SHB: variants seen among roughly 807,000 people sequenced by gnomAD.
SHB encodes the protein SH2 domain containing adaptor protein B.
In SHB, 20 loss-of-function variants were observed where a neutral mutation model predicts 52.3. The observed-to-expected ratio is 0.38, with a 90% confidence interval of 0.27 to 0.56. The LOEUF (loss-of-function observed/expected upper bound fraction) is 0.56, where lower values mean the gene tolerates loss of function less well. Among genes scored for constraint, SHB ranks in the 20% least tolerant of loss-of-function variants. The pLI, the probability that SHB is intolerant of heterozygous loss-of-function variation, is 0.71. For missense variants in SHB, 825 were observed against 723.3 expected (o/e 1.14, Z -1.61); for synonymous variants, 397 against 316.5 (o/e 1.25, Z -2.70).
intron 5 of SHB, among the ~76,000 whole-genome samples, chr9:37,925,433 A>G (rs1832237254): frequency 6.6e-6 from 1 of 152,206 alleles, no homozygotes; most frequent in East Asian, 1.9e-4. Flanking sequence ...CGCTTTTCAA[A>G]TCAGAAAGTC....
chr9:38,008,077 C>T (rs1821093137), intron 2 of SHB, among the ~76,000 whole-genome samples: 1 of 152,202 alleles, frequency 6.6e-6, no homozygotes, highest in African/African-American at 2.4e-5. Context: ...GGCCCCTGTC[C>T]ACCTTCCCCA....
Position 38,069,140 on chromosome 9 carries a change from A to G in SHB, c.-495T>C, listed in dbSNP as rs897342936. The stretch of plus-strand genomic sequence containing the variant: ...CGCAGCGGAGGAGAATGCGGCCGGG[A>G]GAGACAGCGAGCGACGGAGGAAGGC... On this transcript the variant is annotated 5_prime_UTR_variant, in exon 1 of 6. Transcript: ENST00000377707. The G allele has an allele frequency of 2.8e-4, 42 of 151,408 alleles. No individual in the cohort carries two copies. Among genetic ancestry groups the G allele is most frequent in the African/African-American group, 1.0e-3 (42 of 41,226 alleles). The allele number at this position is 151,408 out of a possible 1,614,324, so 9.4% of individuals were successfully genotyped here.
intron 2 of SHB, among the ~76,000 whole-genome samples, chr9:37,977,445 C>T (rs1049154015): frequency 1.3e-5 from 2 of 152,126 alleles, no homozygotes; most frequent in African/African-American, 4.8e-5. Flanking sequence ...TCTCAGGGCA[C>T]CTAATATCAC....
chr9:37,934,444 G>A (rs1832346163), intron 5 of SHB, among the ~76,000 whole-genome samples: 1 of 152,082 alleles, frequency 6.6e-6, no homozygotes, highest in Admixed American at 6.6e-5. Context: ...GATTACAGGT[G>A]TGAGCCACCA....
chr9:38,009,827 G>T (rs1028623978), intron 2 of SHB, among the ~76,000 whole-genome samples: 5 of 152,218 alleles, frequency 3.3e-5, no homozygotes, highest in African/African-American at 1.2e-4. Context: ...TGTGTGAAAT[G>T]ACTTTAATTT....
chr9:37,975,564 C>A (rs1421568152), intron 2 of SHB, among the ~76,000 whole-genome samples: 1 of 152,180 alleles, frequency 6.6e-6, no homozygotes. Context: ...TAGACGAGGT[C>A]CCAGACAGGA....
chr9:38,004,968 A>C (rs927830421), intron 2 of SHB, among the ~76,000 whole-genome samples: 2 of 152,240 alleles, frequency 1.3e-5, no homozygotes, highest in Non-Finnish European at 2.9e-5. Flanking sequence ...TCATTCCACC[A>C]AAACCAGCAA....
chr9:37,917,846 C>T lies in SHB; in HGVS notation c.*1975G>A, dbSNP rs957459444. Reference sequence around the variant, plus strand: ...CGTGGTCTCTATGAGGGCTGGGCCACGTGGACGTGCCAGACAAGGCCTGGG... The same window carrying T: ...CGTGGTCTCTATGAGGGCTGGGCCATGTGGACGTGCCAGACAAGGCCTGGG... On this transcript the variant is annotated 3_prime_UTR_variant, in exon 6 of 6. Transcript: ENST00000377707. 1.3e-5 allele frequency among the ~76,000 whole-genome samples: 2 copies of T among 152,332 alleles called. No homozygotes were observed. The highest frequency in any genetic ancestry group is 3.4e-3 in the Middle Eastern group (1 of 294).
At position 37,974,847 on chromosome 9, in the gene SHB, A is replaced by G. The variant is rs1402437126; in HGVS notation, c.839-10T>C. The G allele has an allele frequency of 1.2e-6, 2 of 1,609,602 alleles. No individual in the cohort carries two copies. The highest frequency in any genetic ancestry group is 2.2e-5 in the South Asian group (2 of 90,984). ...TCCTGCCTCTGAAATTCTGCAGGCA[A>G]AAAGGAAGGAAGCAGAGATGAAATG... On this transcript the variant is annotated splice_polypyrimidine_tract_variant and intron_variant, in intron 2 of 5. Coordinates refer to ENST00000377707, the MANE Select transcript of SHB (RefSeq NM_003028.3).
At chr9:37,975,338 A>C (rs1259675800) in intron 2 of SHB, among the ~76,000 whole-genome samples, 2 of 152,242 alleles carry the variant, frequency 1.3e-5, no homozygotes, top group Non-Finnish European at 2.9e-5. Flanking sequence ...GAGCCTCCCC[A>C]AGGAGACCAG....
chr9:38,006,400 A>G (rs1056492251), intron 2 of SHB, among the ~76,000 whole-genome samples: 1 of 152,170 alleles, frequency 6.6e-6, no homozygotes, highest in African/African-American at 2.4e-5. Flanking sequence ...CCTGCCCAGC[A>G]CGCAGGGAGC....
At chr9:37,979,653 A>C (rs1215141713) in intron 2 of SHB, among the ~76,000 whole-genome samples, 2 of 152,142 alleles carry the variant, frequency 1.3e-5, no homozygotes, top group East Asian at 1.9e-4. Flanking sequence ...ACAACAACAA[A>C]AAAAACAGGC....
intron 5 of SHB, among the ~76,000 whole-genome samples, chr9:37,946,715 G>C (rs2117885382): frequency 6.6e-6 from 1 of 152,284 alleles, no homozygotes; most frequent in South Asian, 2.1e-4. Flanking sequence ...GCTCTGTCCT[G>C]TCCTCCCTGA....
chr9:38,056,825 A>C (rs922927541), intron 1 of SHB, among the ~76,000 whole-genome samples: 1 of 152,252 alleles, frequency 6.6e-6, no homozygotes, highest in African/African-American at 2.4e-5. Flanking sequence ...AGTTCTTACA[A>C]ATCAACAGAC....
At chr9:38,021,309 C>T (rs917121794) in intron 1 of SHB, among the ~76,000 whole-genome samples, 3 of 151,404 alleles carry the variant, frequency 2.0e-5, no homozygotes, top group African/African-American at 7.3e-5. Context: ...CATTGCACTC[C>T]AGCCTGGGCA....
chr9:37,955,681 G>T (rs1832622064), intron 4 of SHB, among the ~76,000 whole-genome samples: 1 of 151,792 alleles, frequency 6.6e-6, no homozygotes, highest in Non-Finnish European at 1.5e-5. Context: ...GTAGAGACAG[G>T]CTCTCACTAT....
intron 1 of SHB, among the ~76,000 whole-genome samples, chr9:38,032,586 C>T (rs1024004004): frequency 3.9e-5 from 6 of 152,216 alleles, no homozygotes; most frequent in Non-Finnish European, 5.9e-5. Flanking sequence ...CCTGTGACTC[C>T]GGCACACCTG....
intron 5 of SHB, among the ~76,000 whole-genome samples, chr9:37,942,304 C>T (rs987474249): frequency 1.3e-4 from 20 of 152,242 alleles, no homozygotes; most frequent in African/African-American, 4.6e-4. Flanking sequence ...TTGATAATGT[C>T]GTGCTCCTCC....
At chr9:37,974,073 A>G (rs1376248869) in intron 3 of SHB, among the ~76,000 whole-genome samples, 1 of 152,056 alleles carries the variant, frequency 6.6e-6, no homozygotes, top group Non-Finnish European at 1.5e-5. Context: ...TGGCCAACAT[A>G]GTGAAACCCC....
Sources: allele counts gnomAD v4.1 joint callset (sites outside exome capture counted in the v4.1 genomes callset), GRCh38; gene constraint gnomAD v4.1.1; transcripts MANE v1.5; gene names NCBI Gene and HGNC (gene_info 2026-07-23, HGNC 2026-07-21).